Variants in RASSF5 observed in about 807,000 individuals in gnomAD.
RASSF5 encodes ras association domain-containing protein 5.
A neutral mutation model predicts 40.5 loss-of-function variants in RASSF5; 25 were observed. The observed-to-expected ratio is 0.62, with a 90% CI of 0.45 to 0.86. RASSF5 has a LOEUF of 0.86. Among genes scored for constraint, RASSF5 ranks in the 40% least tolerant of loss-of-function variants. The probability of loss-of-function intolerance (pLI) is 0.00; values close to 1 mark genes in which losing one functional copy is unlikely to be tolerated. For synonymous variants in RASSF5, 246 were observed against 252.4 expected, an observed-to-expected ratio of 0.97 and a Z score of 0.24; for missense variants, 521 against 572.8, an observed-to-expected ratio of 0.91 and a Z score of 0.92.
At chr1:206,565,290 G>C (rs1422397332) in intron 2 of RASSF5, among the ~76,000 whole-genome samples, 6 of 152,168 alleles carry the variant, frequency 3.9e-5, no homozygotes, top group South Asian at 2.1e-4. Context: ...CAGTAAGTCA[G>C]TTACCCTGCA....
At chr1:206,550,768 C>T (rs1667818036) in intron 2 of RASSF5, among the ~76,000 whole-genome samples, 1 of 152,162 alleles carries the variant, frequency 6.6e-6, no homozygotes, top group Non-Finnish European at 1.5e-5. Context: ...GGCTGCTTGC[C>T]CTCTGTAGAC....
chr1:206,555,748 T>G (rs1267875278), intron 2 of RASSF5, among the ~76,000 whole-genome samples: 2 of 152,122 alleles, frequency 1.3e-5, no homozygotes, highest in Non-Finnish European at 2.9e-5. Flanking sequence ...TCAGCTCTCT[T>G]GTTTTTGTGC....
At chr1:206,573,480 G>T (rs1381706986) in intron 2 of RASSF5, among the ~76,000 whole-genome samples, 1 of 152,206 alleles carries the variant, frequency 6.6e-6, no homozygotes, top group African/African-American at 2.4e-5. Flanking sequence ...ACAGGCACGG[G>T]TGCTTCTCTC....
intron 1 of RASSF5, among the ~76,000 whole-genome samples, chr1:206,532,148 A>C (rs1276840737): frequency 2.0e-5 from 3 of 152,206 alleles, no homozygotes; most frequent in African/African-American, 7.2e-5. Context: ...ATTATCTTAA[A>C]ACTAAAAGTG....
intron 2 of RASSF5, among the ~76,000 whole-genome samples, chr1:206,575,529 G>A (rs1011696934): frequency 4.6e-5 from 7 of 152,248 alleles, no homozygotes; most frequent in East Asian, 1.9e-4. Flanking sequence ...AAGTCGTGGC[G>A]GTTAGAAATG....
chr1:206,582,430 T>G (rs1553406559), intron 2 of RASSF5, among the ~76,000 whole-genome samples: 1 of 152,214 alleles, frequency 6.6e-6, no homozygotes, highest in Non-Finnish European at 1.5e-5. Flanking sequence ...GTGAGGCAGG[T>G]TGCTAAACTT....
chr1:206,518,965 G>T (rs1397724177), intron 1 of RASSF5, among the ~76,000 whole-genome samples: 6 of 151,692 alleles, frequency 4.0e-5, no homozygotes, highest in African/African-American at 1.5e-4. Context: ...GGACCTGGGA[G>T]CAGTGATGTT....
Position 206,531,108 on chromosome 1 carries a change from C to A in RASSF5, c.458-7064C>A, listed in dbSNP as rs1232973785. 1.3e-5 allele frequency among the ~76,000 whole-genome samples: 2 copies of A among 152,250 alleles called. No homozygotes were observed. The highest frequency in any genetic ancestry group is 2.9e-5 in the Non-Finnish European group (2 of 68,042). On this transcript the variant is annotated intron_variant, in intron 1 of 5. Coordinates refer to ENST00000579436, the MANE Select transcript of RASSF5 (RefSeq NM_182663.4). The surrounding 1 kb of genome is among the most constrained non-coding windows in gnomAD (Gnocchi z 4.7). ...CCGTACTGCTATCATCTCCATTTAA[C>A]AGATGAGGAAACCAAGGCCACTAGA...
At chr1:206,532,361 T>G (rs189542914) in intron 1 of RASSF5, among the ~76,000 whole-genome samples, 34 of 152,312 alleles carry the variant, frequency 2.2e-4, no homozygotes, top group Admixed American at 2.0e-3. Context: ...CTGGCTACTA[T>G]GATTCCTGTT....
At chr1:206,557,495 G>GGT in intron 2 of RASSF5, 2 of 1,593,984 alleles carry the variant, frequency 1.3e-6, no homozygotes, top group South Asian at 2.2e-5. Context: ...CCCGGGGAGG[G>GGT]GTGCCCACCT....
chr1:206,586,780 G>A lies in RASSF5; in HGVS notation c.1105-46G>A. On this transcript the variant is annotated intron_variant, in intron 5 of 5. Transcript: ENST00000579436. ...CTCAGGTCGTGTCAACTTCTAACCT[G>A]TCTCCTATTCTGTTTCTTCCCACAA... 4 of 1,501,130 alleles carry A rather than the reference G, an allele frequency of 2.7e-6. No individual in the cohort carries two copies. The South Asian group carries it at 3.5e-5, about 13-fold the overall frequency. The allele number at this position is 1,501,130 out of a possible 1,614,324, so 93.0% of individuals were successfully genotyped here. A position where few individuals can be genotyped will look rare whatever the true frequency, so the allele number is the denominator to read the frequency against.
chr1:206,563,717 A>G (rs1553402996), intron 2 of RASSF5, among the ~76,000 whole-genome samples: 7 of 152,224 alleles, frequency 4.6e-5, no homozygotes, highest in Non-Finnish European at 1.0e-4. Flanking sequence ...TTTAGGAAAT[A>G]TTTGGTAATT....
intron 3 of RASSF5, chr1:206,583,641 T>C (rs1275570982): frequency 4.5e-6 from 2 of 448,218 alleles, no homozygotes; most frequent in East Asian, 8.8e-5. Context: ...AGCTTCAGTG[T>C]AAACTAAGTG....
intron 1 of RASSF5, among the ~76,000 whole-genome samples, chr1:206,517,200 T>G (rs1468655863): frequency 6.6e-6 from 1 of 152,160 alleles, no homozygotes; most frequent in Non-Finnish European, 1.5e-5. Context: ...CTGCTGGGCA[T>G]GGAGGCTTCA....
chr1:206,548,111 A>G (rs1429461646), intron 2 of RASSF5, among the ~76,000 whole-genome samples: 1 of 152,174 alleles, frequency 6.6e-6, no homozygotes, highest in Non-Finnish European at 1.5e-5. Context: ...CATTATTTCT[A>G]ACAATAAATT....
chr1:206,539,106 T>A (rs782004647), intron 2 of RASSF5, among the ~76,000 whole-genome samples: 2 of 152,234 alleles, frequency 1.3e-5, no homozygotes, highest in African/African-American at 2.4e-5. Context: ...ATGTTTGATT[T>A]AAGCCTTAAT....
intron 2 of RASSF5, among the ~76,000 whole-genome samples, chr1:206,575,513 A>T (rs7517285): frequency 0.46 from 69,978 of 151,974 alleles, 16,520 homozygotes; most frequent in Middle Eastern, 0.64. Context: ...GAGCAGTGAA[A>T]AAGTAAAGTC....
intron 4 of RASSF5, 78 bp from the exon 5 acceptor site, chr1:206,585,102 T>G: frequency 9.3e-7 from 1 of 1,077,896 alleles, no homozygotes; most frequent in Non-Finnish European, 1.4e-6. Flanking sequence ...ACCTCTGCAT[T>G]TCCAATCCTT....
chr1:206,517,407 G>C (rs892822284), intron 1 of RASSF5, among the ~76,000 whole-genome samples: 3 of 152,186 alleles, frequency 2.0e-5, no homozygotes, highest in Non-Finnish European at 4.4e-5. Context: ...AGGAGGTCGA[G>C]GCTGCAGTGA....
Sources: allele counts gnomAD v4.1 joint callset (sites outside exome capture counted in the v4.1 genomes callset), GRCh38; gene constraint gnomAD v4.1.1; non-coding constraint Gnocchi (gnomAD v3.1); transcripts MANE v1.5; gene names NCBI Gene and HGNC (gene_info 2026-07-23, HGNC 2026-07-21).